The following RIT2 variants were observed in gnomAD, a reference collection of about 807,000 sequenced individuals.
The protein encoded by RIT2 is Ras like without CAAX 2.
In RIT2, 24 loss-of-function variants were observed where a neutral mutation model predicts 23.7. The observed-to-expected ratio is 1.01, with a 90% CI of 0.73 to 1.43. The LOEUF (loss-of-function observed/expected upper bound fraction) is 1.43. Among genes scored for constraint, RIT2 ranks in the 40% most tolerant of loss-of-function variants. The pLI is 0.00. For missense variants in RIT2, 236 were observed against 266.9 expected, an observed-to-expected ratio of 0.88 and a Z score of 0.81; for synonymous variants, 107 against 91.1, an observed-to-expected ratio of 1.17 and a Z score of -0.99.
chr18:42,822,961 T>TA (rs1906194116), intron 4 of RIT2, among the ~76,000 whole-genome samples: 1 of 152,056 alleles, frequency 6.6e-6, no homozygotes, highest in Admixed American at 6.6e-5. Flanking sequence ...AGAAAGAAAC[T>TA]AAGTGATTCC....
intron 4 of RIT2, among the ~76,000 whole-genome samples, chr18:42,750,075 A>G (rs531968594): frequency 1.3e-5 from 2 of 151,986 alleles, no homozygotes; most frequent in Non-Finnish European, 3.0e-5. Flanking sequence ...TAAATCTTAC[A>G]AACATAACAA....
chr18:43,046,505 G>C (rs1912250984), intron 1 of RIT2, among the ~76,000 whole-genome samples: 1 of 152,140 alleles, frequency 6.6e-6, no homozygotes, highest in South Asian at 2.1e-4. Flanking sequence ...CTAAAGCTGG[G>C]CTGCTTCTAC....
chr18:42,989,931 G>A (rs1040037137), intron 2 of RIT2, among the ~76,000 whole-genome samples: 1 of 151,786 alleles, frequency 6.6e-6, no homozygotes, highest in African/African-American at 2.4e-5. Flanking sequence ...AACAGAACAA[G>A]TAAGATAGAT....
intron 4 of RIT2, among the ~76,000 whole-genome samples, chr18:42,765,667 A>G (rs1913404487): frequency 6.6e-6 from 1 of 152,174 alleles, no homozygotes; most frequent in Non-Finnish European, 1.5e-5. Context: ...AACGGGAAAG[A>G]CTATTCTATT....
chr18:43,052,166 T>C (rs577850139), intron 1 of RIT2, among the ~76,000 whole-genome samples: 5 of 152,262 alleles, frequency 3.3e-5, no homozygotes, highest in Admixed American at 3.3e-4. Flanking sequence ...TTATTTTCCT[T>C]CTCTCAATGT....
intron 4 of RIT2, among the ~76,000 whole-genome samples, chr18:42,810,115 T>C (rs564741551): frequency 2.7e-5 from 4 of 147,016 alleles, no homozygotes; most frequent in African/African-American, 1.0e-4. Flanking sequence ...GTATATCTAT[T>C]ATGTATCAAT....
intron 1 of RIT2, among the ~76,000 whole-genome samples, chr18:43,037,687 A>G (rs1267237858): frequency 6.6e-6 from 1 of 152,062 alleles, no homozygotes; most frequent in East Asian, 1.9e-4. Flanking sequence ...GAATATATAC[A>G]TATATATTTA....
chr18:42,980,435 T>G (rs1198236132), intron 2 of RIT2, among the ~76,000 whole-genome samples: 1 of 152,000 alleles, frequency 6.6e-6, no homozygotes, highest in Non-Finnish European at 1.5e-5. Context: ...AGATGGAATC[T>G]CCCTAGTATC....
intron 4 of RIT2, among the ~76,000 whole-genome samples, chr18:42,838,595 G>C (rs1389260208): frequency 6.6e-6 from 1 of 152,022 alleles, no homozygotes; most frequent in Non-Finnish European, 1.5e-5. Flanking sequence ...CTCGTCCCTG[G>C]TCACATAGCT....
At chr18:42,971,266 G>A (rs1349055724) in intron 3 of RIT2, among the ~76,000 whole-genome samples, 1 of 151,972 alleles carries the variant, frequency 6.6e-6, no homozygotes, top group Admixed American at 6.6e-5. Context: ...ACCACCTCCT[G>A]AATGGAAGGA....
At chr18:42,768,960 C>G (rs945301355) in intron 4 of RIT2, among the ~76,000 whole-genome samples, 5 of 152,104 alleles carry the variant, frequency 3.3e-5, no homozygotes, top group African/African-American at 1.2e-4. Context: ...CAGGGGTAGG[C>G]AAGTAACCCA....
intron 2 of RIT2, among the ~76,000 whole-genome samples, chr18:42,994,003 G>T (rs375669309): frequency 2.8e-5 from 4 of 143,790 alleles, no homozygotes; most frequent in African/African-American, 1.0e-4. Flanking sequence ...AGCCTTACAG[G>T]TTAGTTCAGG....
chr18:42,768,031 C>T (rs1913466924), intron 4 of RIT2, among the ~76,000 whole-genome samples: 1 of 151,854 alleles, frequency 6.6e-6, no homozygotes, highest in East Asian at 1.9e-4. Flanking sequence ...TAATACAATA[C>T]ATATGTATAT....
chr18:42,918,977 A>G (rs1439246129), intron 4 of RIT2, among the ~76,000 whole-genome samples: 2 of 152,178 alleles, frequency 1.3e-5, no homozygotes, highest in African/African-American at 2.4e-5. Context: ...CATTGCACCT[A>G]TGAATTGTGC....
At chr18:42,751,781 T>C (rs754001174) in intron 4 of RIT2, among the ~76,000 whole-genome samples, 57 of 152,174 alleles carry the variant, frequency 3.7e-4, no homozygotes, top group Admixed American at 8.5e-4. Flanking sequence ...TTTGCTATAA[T>C]ATCTAAATGG....
At chr18:42,982,691 T>C (rs987545044) in intron 2 of RIT2, among the ~76,000 whole-genome samples, 1 of 152,100 alleles carries the variant, frequency 6.6e-6, no homozygotes. Context: ...GATTTCAACT[T>C]TCAGGACTAT....
chr18:42,897,323 C>T (rs931748105), intron 4 of RIT2, among the ~76,000 whole-genome samples: 4 of 152,200 alleles, frequency 2.6e-5, no homozygotes, highest in South Asian at 4.2e-4. Flanking sequence ...AGCTGGTTGA[C>T]AGTGGGAAAG....
intron 4 of RIT2, among the ~76,000 whole-genome samples, chr18:42,816,817 G>A (rs1906011251): frequency 6.6e-6 from 1 of 152,136 alleles, no homozygotes; most frequent in Admixed American, 6.5e-5. Flanking sequence ...TAGCTAGGAG[G>A]AGAGGGAGAG....
At chr18:42,981,360 C>T (rs72895228) in intron 2 of RIT2, among the ~76,000 whole-genome samples, 23 of 152,172 alleles carry the variant, frequency 1.5e-4, no homozygotes, top group African/African-American at 5.3e-4. Flanking sequence ...ATGATCAAGG[C>T]AATTGTACAA....
Sources: allele counts gnomAD v4.1 joint callset (sites outside exome capture counted in the v4.1 genomes callset), GRCh38; gene constraint gnomAD v4.1.1; transcripts MANE v1.5; gene names NCBI Gene and HGNC (gene_info 2026-07-23, HGNC 2026-07-21).